NRK: variants seen among roughly 807,000 people sequenced by gnomAD.
The protein encoded by NRK is Nik related kinase.
In NRK, 67 loss-of-function variants were observed where a neutral mutation model predicts 125.2. The observed-to-expected ratio is 0.54, with a 90% CI of 0.44 to 0.66. The LOEUF is 0.66. NRK is among the 30% of genes least tolerant of loss of function. The pLI is 0.00. For missense variants in NRK, 1,224 were observed against 1,192.9 expected (o/e 1.03, Z -0.38); for synonymous variants, 458 against 429.0 (o/e 1.07, Z -0.84).
chrX:105,844,113 G>A (rs2039370928), intron 2 of NRK, among the ~76,000 whole-genome samples: 1 of 107,848 alleles, frequency 9.3e-6, no homozygotes, highest in African/African-American at 3.4e-5. Context: ...CTGCCAGTCT[G>A]AACAGTTAGT....
At chrX:105,846,692 G>T (rs2039406454) in intron 2 of NRK, among the ~76,000 whole-genome samples, 1 of 111,168 alleles carries the variant, frequency 9.0e-6, no homozygotes, top group Admixed American at 9.6e-5. Flanking sequence ...CAGCCCTCGG[G>T]AACTTCATTT....
intron 5 of NRK, among the ~76,000 whole-genome samples, chrX:105,892,205 A>G (rs1285809374): frequency 8.9e-6 from 1 of 112,135 alleles, no homozygotes; most frequent in African/African-American, 3.2e-5. Flanking sequence ...ACATAAATGT[A>G]TAATTGGTCA....
At position 105,830,624 on chromosome X, in the gene NRK, A is replaced by T. The variant is rs751912024; in HGVS notation, c.58-430A>T. Among the ~76,000 whole-genome samples the T allele has an allele frequency of 1.5e-4, 17 of 111,161 alleles. No individual in the cohort carries two copies. In the South Asian group the frequency reaches 6.4e-3, roughly 42 times the overall value. On this transcript the variant is annotated intron_variant, in intron 1 of 28. Coordinates refer to ENST00000243300, the MANE Select transcript of NRK (RefSeq NM_198465.4). ...TTTAACAGAACAAGGCAGATTGGAA[A>T]TACCACTTAAGATAGTTGAATGCAG...
chrX:105,879,492 G>T (rs1287371792), intron 2 of NRK, among the ~76,000 whole-genome samples: 1 of 111,164 alleles, frequency 9.0e-6, no homozygotes, highest in Non-Finnish European at 1.9e-5. Flanking sequence ...TTACAAATCT[G>T]TAGCTTATAC....
At position 105,921,663 on chromosome X, in the gene NRK, G is replaced by T. The variant is rs756457328; in HGVS notation, c.2513-301G>T. On this transcript the variant is annotated intron_variant, in intron 16 of 28. Transcript: ENST00000243300. ...AATGTATCTACCTGGCTATCAGTTG[G>T]ACTATGTATCTTCTTACATAGATAG... 5.3e-4 allele frequency among the ~76,000 whole-genome samples: 57 copies of T among 108,321 alleles called. 1 individual carries two copies. The highest frequency in any genetic ancestry group is 1.9e-3 in the African/African-American group (56 of 29,763). 94.1% of individuals were successfully genotyped at this position (108,321 alleles called of 115,157 possible).
In NRK at chrX:105,924,825, G is replaced by A; in HGVS notation, c.3106G>A (p.Asp1036Asn). ...CCATGGAGGAAGTGCAGCCAGTGAG[G>A]ACAATGCAGCCATTGGAGATCAGGA... ...RSHGGSAASE[D>N]NAAIGDQEEH... Residue 1036 changes from aspartate to asparagine, a missense_variant, in exon 19 of 29, where the codon GAC (aspartate) becomes AAC (asparagine). By Grantham distance (23) the Asp-to-Asn change is conservative (BLOSUM62 1). Coordinates refer to ENST00000243300, the MANE Select transcript of NRK (RefSeq NM_198465.4). 8.3e-7 allele frequency: 1 copy of A among 1,210,914 alleles called. No homozygotes were observed. Among genetic ancestry groups the A allele is most frequent in the Non-Finnish European group, 1.1e-6 (1 of 895,029 alleles).
intron 25 of NRK, 69 bp downstream of exon 25, chrX:105,946,084 A>T (rs983115896): frequency 1.3e-4 from 126 of 1,003,759 alleles, no homozygotes; most frequent in Non-Finnish European, 1.6e-4. Context: ...TGCCAATCTG[A>T]CCTTTGAAGA....
intron 23 of NRK, among the ~76,000 whole-genome samples, chrX:105,942,693 ACTGCAAC>A (rs1202411954): frequency 9.0e-6 from 1 of 111,519 alleles, no homozygotes; most frequent in Admixed American, 9.5e-5. Flanking sequence ...ATCTCAGATC[ACTGCAAC>A]CTCCACCTCC....
intron 2 of NRK, among the ~76,000 whole-genome samples, chrX:105,874,222 CA>C (rs1021769146): frequency 3.6e-5 from 4 of 111,604 alleles, no homozygotes; most frequent in African/African-American, 1.3e-4. Flanking sequence ...TTACAGAAAT[CA>C]TAGTGAGTAA....
chrX:105,880,058 A>G (rs1247045031), intron 2 of NRK, 141 bp from the exon 3 acceptor site: 11 of 233,551 alleles, frequency 4.7e-5, no homozygotes, highest in Admixed American at 2.7e-4. Context: ...ATATAATACT[A>G]TATATTTCAT....
chrX:105,888,231 T>C, intron 4 of NRK, 63 bp from the exon 5 acceptor site: 1 of 980,933 alleles, frequency 1.0e-6, no homozygotes, highest in Non-Finnish European at 1.4e-6. Context: ...ATACTGTACT[T>C]TAGGGACTTA....
At chrX:105,854,818 C>A (rs886380311) in intron 2 of NRK, among the ~76,000 whole-genome samples, 3 of 111,800 alleles carry the variant, frequency 2.7e-5, no homozygotes, top group African/African-American at 9.7e-5. Flanking sequence ...GCTTTGGAAT[C>A]GCTGAGACCT....
intron 2 of NRK, 47 bp from the exon 3 acceptor site, chrX:105,880,152 G>T: frequency 1.6e-6 from 1 of 632,725 alleles, no homozygotes; most frequent in Non-Finnish European, 2.3e-6. Flanking sequence ...CTTGATAGCT[G>T]GATTACCTAG....
Position 105,919,945 on chromosome X carries a change from GT to G in NRK, c.2513-2015del, listed in dbSNP as rs1172999436. Among the ~76,000 whole-genome samples, 15 of 105,597 alleles carry G rather than the reference GT, an allele frequency of 1.4e-4. 1 individual carries two copies. Among genetic ancestry groups the G allele is most frequent in the African/African-American group, 4.5e-4 (13 of 28,823 alleles). The allele number at this position is 105,597 out of a possible 115,157, so 91.7% of individuals were successfully genotyped here. On this transcript the variant is annotated intron_variant, in intron 16 of 28. Coordinates refer to ENST00000243300, the MANE Select transcript of NRK (RefSeq NM_198465.4). ...GTCTTTTGTTGCCATTGCTTTTGGTGTTTTAGACATGAAGTCCTTGCCCATG... is the reference window on the plus strand; with the variant it reads ...GTCTTTTGTTGCCATTGCTTTTGGTGTTTAGACATGAAGTCCTTGCCCATG...
At chrX:105,826,214 AAT>A (rs1417236584) in intron 1 of NRK, among the ~76,000 whole-genome samples, 2 of 90,211 alleles carry the variant, frequency 2.2e-5, no homozygotes, top group Non-Finnish European at 4.2e-5. Context: ...TATATATAAT[AAT>A]ATGTGATAAT....
At position 105,922,029 on chromosome X, in the gene NRK, A is replaced by G. The variant is rs985585075; in HGVS notation, c.2578A>G (p.Thr860Ala). The change falls in exon 17 of 29, where the codon ACT (threonine) becomes GCT (alanine). Residue 860 changes from threonine to alanine, a missense_variant. Coordinates refer to ENST00000243300, the MANE Select transcript of NRK (RefSeq NM_198465.4). Reference sequence around the variant, plus strand: ...GTCTCAGTCATCACCACCTTATTCTACTATTGATCAGAAGTTGCTGGTTGA... The same window carrying G: ...GTCTCAGTCATCACCACCTTATTCTGCTATTGATCAGAAGTTGCTGGTTGA... Reference protein sequence around the residue: ...RRSQSSPPYSTIDQKLLVDIH... With the variant: ...RRSQSSPPYSAIDQKLLVDIH... The G allele has an allele frequency of 8.6e-7, 1 of 1,161,053 alleles. No individual in the cohort carries two copies. The highest frequency in any genetic ancestry group is 1.2e-6 in the Non-Finnish European group (1 of 851,636).
chrX:105,827,044 A>G (rs2039123526), intron 1 of NRK, among the ~76,000 whole-genome samples: 1 of 111,549 alleles, frequency 9.0e-6, no homozygotes, highest in Admixed American at 9.5e-5. Context: ...TTTTAACAGT[A>G]TTACCCAGAT....
chrX:105,824,745 T>A (rs1406977712), intron 1 of NRK, among the ~76,000 whole-genome samples: 1 of 110,828 alleles, frequency 9.0e-6, no homozygotes. Context: ...TGCAGTTCAG[T>A]GGAATATTAG....
At chrX:105,941,001 A>C (rs1201237988) in intron 23 of NRK, among the ~76,000 whole-genome samples, 3 of 111,841 alleles carry the variant, frequency 2.7e-5, no homozygotes, top group Non-Finnish European at 5.6e-5. Flanking sequence ...TTAAGCATTA[A>C]ATAAATACAC....
Sources: allele counts gnomAD v4.1 joint callset (sites outside exome capture counted in the v4.1 genomes callset), GRCh38; gene constraint gnomAD v4.1.1; transcripts MANE v1.5; gene names NCBI Gene and HGNC (gene_info 2026-07-23, HGNC 2026-07-21).